The following ADGRA3 variants were observed in gnomAD, a reference collection of about 807,000 sequenced individuals.
ADGRA3 encodes G-protein coupled receptor 125.
A neutral mutation model predicts 119.8 loss-of-function variants in ADGRA3; 56 were observed. The ratio of observed to expected loss-of-function variants is 0.47; its 90% CI spans 0.38 to 0.58. ADGRA3 has a LOEUF of 0.58. Among genes scored for constraint, ADGRA3 ranks in the 20% least tolerant of loss-of-function variants. The probability of loss-of-function intolerance (pLI) is 0.00; values close to 1 mark genes in which losing one functional copy is unlikely to be tolerated. For synonymous variants in ADGRA3, 607 were observed against 623.8 expected, an observed-to-expected ratio of 0.97 and a Z score of 0.40; for missense variants, 1,516 against 1,649.0, an observed-to-expected ratio of 0.92 and a Z score of 1.40.
chr4:22,492,591 T>C (rs142614922), intron 1 of ADGRA3, among the ~76,000 whole-genome samples: 1 of 152,306 alleles, frequency 6.6e-6, no homozygotes, highest in Non-Finnish European at 1.5e-5. Flanking sequence ...ATGTTAGCTG[T>C]TGAAAATTTC....
At position 22,511,726 on chromosome 4, in the gene ADGRA3, G is replaced by C. The variant is rs138719006; in HGVS notation, c.257+3802C>G. Among the ~76,000 whole-genome samples the C allele has an allele frequency of 6.8e-4, 104 of 151,892 alleles. 1 individual carries two copies. In the East Asian group the frequency reaches 0.02, roughly 30 times the overall value. On this transcript the variant is annotated intron_variant, in intron 1 of 18. Coordinates refer to ENST00000334304, the MANE Select transcript of ADGRA3 (RefSeq NM_145290.4). ...CCCTACAGACTCCTCTGACCACCCT[G>C]GGCACCAGACACTTACCTTTGACAT...
chr4:22,509,268 C>T (rs1033076132), intron 1 of ADGRA3, among the ~76,000 whole-genome samples: 3 of 151,928 alleles, frequency 2.0e-5, no homozygotes, highest in African/African-American at 4.8e-5. Flanking sequence ...TTTGGGAGGC[C>T]GAGGCGGGCA....
chr4:22,513,845 C>CAAAAAAAAAA (rs59015584), intron 1 of ADGRA3, among the ~76,000 whole-genome samples: 42 of 31,478 alleles, frequency 1.3e-3, no homozygotes, highest in African/African-American at 3.9e-3. Context: ...AGCTTTCAGG[C>CAAAAAAAAAA]AAAAAAAAAA....
chr4:22,501,228 T>C (rs955674811), intron 1 of ADGRA3, among the ~76,000 whole-genome samples: 1 of 152,176 alleles, frequency 6.6e-6, no homozygotes, highest in African/African-American at 2.4e-5. Context: ...TATACCTTTA[T>C]ATTAGGTAAC....
chr4:22,481,955 A>AT (rs539470018), intron 1 of ADGRA3, among the ~76,000 whole-genome samples: 27 of 152,242 alleles, frequency 1.8e-4, no homozygotes, highest in Non-Finnish European at 2.5e-4. Flanking sequence ...ATAATTCTTC[A>AT]TATTAAAATT....
intron 7 of ADGRA3, 36 bp downstream of exon 7, chr4:22,442,614 C>G (rs1320212475): frequency 7.1e-7 from 1 of 1,404,834 alleles, no homozygotes; most frequent in African/African-American, 1.4e-5. Flanking sequence ...AATACACAGG[C>G]ACAATTCTTC....
At chr4:22,480,373 C>T (rs1416079124) in intron 1 of ADGRA3, among the ~76,000 whole-genome samples, 1 of 152,074 alleles carries the variant, frequency 6.6e-6, no homozygotes, top group Non-Finnish European at 1.5e-5. Flanking sequence ...CAATATTTTG[C>T]TATAAATCAG....
intron 16 of ADGRA3, among the ~76,000 whole-genome samples, chr4:22,400,692 A>AT (rs1349249007): frequency 1.3e-5 from 2 of 152,066 alleles, no homozygotes; most frequent in African/African-American, 2.4e-5. Context: ...CATGTTATAT[A>AT]TTTTTTTAAT....
At chr4:22,412,376 A>T (rs1715242281) in intron 14 of ADGRA3, among the ~76,000 whole-genome samples, 1 of 152,172 alleles carries the variant, frequency 6.6e-6, no homozygotes, top group African/African-American at 2.4e-5. Context: ...GCTCCTGTAC[A>T]TTAATAACTG....
Position 22,442,925 on chromosome 4 carries a change from G to A in ADGRA3, c.707-62C>T, listed in dbSNP as rs1159365490. 8 of 1,238,426 alleles carry A rather than the reference G, an allele frequency of 6.5e-6. No individual in the cohort carries two copies. In the East Asian group the frequency reaches 1.2e-4, roughly 18 times the overall value. 76.7% of individuals were successfully genotyped at this position (1,238,426 alleles called of 1,614,324 possible). ...TAATTTCCAAACACCATAATTAAAA[G>A]TTACAGAAATTCTAGGTAAAATAAT... On this transcript the variant is annotated intron_variant, in intron 6 of 18. Coordinates refer to ENST00000334304, the MANE Select transcript of ADGRA3 (RefSeq NM_145290.4).
intron 7 of ADGRA3, among the ~76,000 whole-genome samples, chr4:22,439,953 A>C (rs1261492253): frequency 1.3e-5 from 2 of 152,174 alleles, no homozygotes; most frequent in Non-Finnish European, 2.9e-5. Context: ...CATTTGAAAA[A>C]AGTAACACAC....
intron 15 of ADGRA3, among the ~76,000 whole-genome samples, 171 bp from the exon 16 acceptor site, chr4:22,401,725 C>T (rs1419308065): frequency 6.6e-6 from 1 of 151,840 alleles, no homozygotes; most frequent in African/African-American, 2.4e-5. Context: ...ACGCACAGAT[C>T]TGAGACATCA....
At position 22,435,503 on chromosome 4, in the gene ADGRA3, C is replaced by CATT. The variant is rs749338586; in HGVS notation, c.1288-40_1288-38dup. 13 of 1,541,760 alleles carry CATT rather than the reference C, an allele frequency of 8.4e-6. No homozygotes were observed. The African/African-American group carries it at 1.8e-4, about 21-fold the overall frequency. On this transcript the variant is annotated intron_variant, in intron 9 of 18. Coordinates refer to ENST00000334304, the MANE Select transcript of ADGRA3 (RefSeq NM_145290.4). Reference sequence around the variant, plus strand: ...AGGCAAAAATGATCAACAAAACAGTCATTAGCAAAATGATCAACACAATCC... The same window carrying CATT: ...AGGCAAAAATGATCAACAAAACAGTCATTATTAGCAAAATGATCAACACAATCC...
intron 16 of ADGRA3, among the ~76,000 whole-genome samples, chr4:22,396,567 T>A (rs980901430): frequency 6.6e-6 from 1 of 152,148 alleles, no homozygotes; most frequent in African/African-American, 2.4e-5. Context: ...ACCCAGCTAC[T>A]AGGATCTGGA....
chr4:22,408,205 T>C (rs1328126600), intron 14 of ADGRA3, among the ~76,000 whole-genome samples: 1 of 151,974 alleles, frequency 6.6e-6, no homozygotes, highest in African/African-American at 2.4e-5. Context: ...TATTAAAGCT[T>C]CTGAAGAGAA....
intron 7 of ADGRA3, among the ~76,000 whole-genome samples, 179 bp downstream of exon 7, chr4:22,442,471 G>C (rs1429764312): frequency 6.6e-6 from 1 of 152,052 alleles, no homozygotes; most frequent in East Asian, 1.9e-4. Flanking sequence ...TGGATGAAAA[G>C]ATGGCTATTT....
intron 3 of ADGRA3, 152 bp from the exon 4 acceptor site, chr4:22,455,089 T>C (rs1717193765): frequency 4.8e-6 from 3 of 619,432 alleles, no homozygotes; most frequent in South Asian, 1.9e-5. Context: ...GAGATAAGGA[T>C]AGCAGTGAGG....
chr4:22,416,105 G>A (rs1307066923), intron 12 of ADGRA3, among the ~76,000 whole-genome samples: 2 of 152,104 alleles, frequency 1.3e-5, no homozygotes, highest in African/African-American at 2.4e-5. Context: ...AAGAAATGTT[G>A]ATCATTATTT....
At position 22,436,740 on chromosome 4, in the gene ADGRA3, T is replaced by C. The variant is rs77670511; in HGVS notation, c.1086-99A>G. ...AAAAATCAAAGATGAAGATGTGTCATGTCAATACAACCCTGACACGGGTCA... is the reference window on the plus strand; with the variant it reads ...AAAAATCAAAGATGAAGATGTGTCACGTCAATACAACCCTGACACGGGTCA... On this transcript the variant is annotated intron_variant, in intron 8 of 18. Coordinates refer to ENST00000334304, the MANE Select transcript of ADGRA3 (RefSeq NM_145290.4). 7.2e-3 allele frequency: 7,269 copies of C among 1,002,680 alleles called. 180 individuals are homozygous for C. Among genetic ancestry groups the C allele is most frequent in the Admixed American group, 0.055 (2,715 of 49,630 alleles). 62.1% of individuals were successfully genotyped at this position (1,002,680 alleles called of 1,614,324 possible). A position where few individuals can be genotyped will look rare whatever the true frequency, so the allele number is the denominator to read the frequency against.
Sources: gnomAD v4.1 joint callset for allele counts (sites outside exome capture counted in the v4.1 genomes callset) on GRCh38, gnomAD v4.1.1 for gene constraint, MANE v1.5 for transcripts, NCBI Gene and HGNC (gene_info 2026-07-23, HGNC 2026-07-21) for gene names.